DOCK2: variants seen among roughly 807,000 people sequenced by gnomAD.
DOCK2 encodes dedicator of cytokinesis 2, also known as dedicator of cytokinesis protein 2.
In DOCK2, 87 loss-of-function variants were observed where a neutral mutation model predicts 248.9. The ratio of observed to expected loss-of-function variants is 0.35; its 90% CI spans 0.29 to 0.42. The LOEUF is 0.42. Ranked by LOEUF, DOCK2 falls within the 10% of genes least tolerant of loss-of-function variation. The pLI is 1.00. For synonymous variants in DOCK2, 805 were observed against 821.6 expected, an observed-to-expected ratio of 0.98 and a Z score of 0.35; for missense variants, 1,747 against 2,300.2, an observed-to-expected ratio of 0.76 and a Z score of 4.92.
chr5:169,818,089 G>T (rs1314061710), intron 26 of DOCK2, among the ~76,000 whole-genome samples: 2 of 152,012 alleles, frequency 1.3e-5, no homozygotes, highest in African/African-American at 4.8e-5. Flanking sequence ...TAATGCCTTG[G>T]GGTTGGTCAC....
At chr5:169,846,606 AT>A (rs1203955627) in intron 27 of DOCK2, among the ~76,000 whole-genome samples, 2 of 76,340 alleles carry the variant, frequency 2.6e-5, no homozygotes, top group Non-Finnish European at 4.7e-5. Context: ...ATACACACAC[AT>A]ATACACACAC....
intron 1 of DOCK2, among the ~76,000 whole-genome samples, chr5:169,650,154 A>G (rs1757719186): frequency 6.6e-6 from 1 of 152,148 alleles, no homozygotes; most frequent in South Asian, 2.1e-4. Flanking sequence ...TCAGAGCAAT[A>G]TCTAGCACCC....
Position 169,853,110 on chromosome 5 carries a change from A to G in DOCK2, c.2799+12258A>G, listed in dbSNP as rs374682637. 1.3e-3 allele frequency among the ~76,000 whole-genome samples: 203 copies of G among 152,296 alleles called. 6 individuals are homozygous for G. The South Asian group carries it at 0.04, about 30-fold the overall frequency. ...AGTCTCATGAGATCTGATGGCTTTAAAAAGGGGAGTTTCCCTGCACAAGTG... is the reference window on the plus strand; with the variant it reads ...AGTCTCATGAGATCTGATGGCTTTAGAAAGGGGAGTTTCCCTGCACAAGTG... On this transcript the variant is annotated intron_variant, in intron 27 of 51. Coordinates refer to ENST00000520908, the MANE Select transcript of DOCK2 (RefSeq NM_004946.3).
intron 30 of DOCK2, among the ~76,000 whole-genome samples, chr5:170,008,220 AACAAC>A (rs1464084245): frequency 1.7e-4 from 6 of 36,192 alleles, no homozygotes; most frequent in African/African-American, 6.5e-4. Context: ...CAACAACAAC[AACAAC>A]AAAAAAAAAA....
At chr5:169,698,232 C>T in intron 10 of DOCK2, 142 bp from the exon 11 acceptor site, 1 of 679,554 alleles carries the variant, frequency 1.5e-6, no homozygotes, top group Non-Finnish European at 2.6e-6. Context: ...TGTTGTGCAG[C>T]ACTGGCTTGC....
intron 26 of DOCK2, among the ~76,000 whole-genome samples, chr5:169,826,012 T>A (rs1413827583): frequency 6.6e-6 from 1 of 151,904 alleles, no homozygotes; most frequent in Non-Finnish European, 1.5e-5. Flanking sequence ...TCTATTGTTT[T>A]TCATCAAATT....
At chr5:169,776,632 A>C (rs1390048300) in intron 25 of DOCK2, among the ~76,000 whole-genome samples, 1 of 152,140 alleles carries the variant, frequency 6.6e-6, no homozygotes, top group Non-Finnish European at 1.5e-5. Flanking sequence ...CCCCTGACCA[A>C]ATCTGACCTT....
chr5:169,743,543 A>G (rs1763443709), intron 22 of DOCK2, among the ~76,000 whole-genome samples: 1 of 152,238 alleles, frequency 6.6e-6, no homozygotes, highest in South Asian at 2.1e-4. Context: ...GCACTTAAAA[A>G]TAATTATCTC....
At chr5:169,689,597 A>G (rs984178975) in intron 9 of DOCK2, among the ~76,000 whole-genome samples, 2 of 152,254 alleles carry the variant, frequency 1.3e-5, no homozygotes, top group Admixed American at 6.5e-5. Context: ...AGAATGCTAC[A>G]TAAACAAGCA....
intron 25 of DOCK2, among the ~76,000 whole-genome samples, chr5:169,770,510 G>A (rs780568345): frequency 7.9e-5 from 12 of 152,000 alleles, no homozygotes; most frequent in Non-Finnish European, 1.8e-4. Context: ...ATATTCCCCA[G>A]GCTGGTCTCA....
chr5:169,700,928 C>T (rs777026568), intron 13 of DOCK2, among the ~76,000 whole-genome samples: 1 of 110,812 alleles, frequency 9.0e-6, no homozygotes, highest in South Asian at 2.7e-4. Context: ...AAAGAAAAGA[C>T]AAGAAAAAGA....
rs182730104 is a variant in DOCK2 at position 169,996,788 on chromosome 5, A to G, written c.3072+624A>G. Reference sequence around the variant, plus strand: ...AGGATCCCCTCCAGGGAAGTCTCCGATCCCTAGCATCTATCTCTTCCAGTG... The same window carrying G: ...AGGATCCCCTCCAGGGAAGTCTCCGGTCCCTAGCATCTATCTCTTCCAGTG... On this transcript the variant is annotated intron_variant, in intron 30 of 51. Coordinates refer to ENST00000520908, the MANE Select transcript of DOCK2 (RefSeq NM_004946.3). Among the ~76,000 whole-genome samples the G allele has an allele frequency of 2.8e-3, 420 of 152,296 alleles. 5 individuals are homozygous for G. The highest frequency in any genetic ancestry group is 7.2e-3 in the Admixed American group (110 of 15,304).
intron 36 of DOCK2, 142 bp downstream of exon 36, chr5:170,036,697 A>G: frequency 1.3e-6 from 1 of 767,612 alleles, no homozygotes; most frequent in Non-Finnish European, 2.0e-6. Context: ...ATTCCTGTCA[A>G]TTTCTCCAGA....
At position 169,781,234 on chromosome 5, in the gene DOCK2, G is replaced by A. The variant is rs531361798; in HGVS notation, c.2554+19609G>A. On this transcript the variant is annotated intron_variant, in intron 25 of 51. Coordinates refer to ENST00000520908, the MANE Select transcript of DOCK2 (RefSeq NM_004946.3). The stretch of plus-strand genomic sequence containing the variant: ...AAATCCACATAGAAATGGGGAGAAC[G>A]TGCAAACTCCACAGACAGTGGCCCC... Among the ~76,000 whole-genome samples, 5 of 152,286 alleles carry A rather than the reference G, an allele frequency of 3.3e-5. No individual in the cohort carries two copies. The South Asian group carries it at 6.2e-4, about 19-fold the overall frequency.
intron 22 of DOCK2, among the ~76,000 whole-genome samples, chr5:169,721,951 T>G (rs777460850): frequency 6.6e-6 from 1 of 152,220 alleles, no homozygotes; most frequent in Non-Finnish European, 1.5e-5. Context: ...CACATGCCAG[T>G]GCTGTAGCTG....
At chr5:169,951,777 C>T (rs574699457) in intron 27 of DOCK2, among the ~76,000 whole-genome samples, 24 of 152,238 alleles carry the variant, frequency 1.6e-4, no homozygotes, top group African/African-American at 5.5e-4. Flanking sequence ...AAGCCTCTTC[C>T]ACACACTATT....
intron 25 of DOCK2, among the ~76,000 whole-genome samples, chr5:169,769,659 A>G (rs1371603691): frequency 6.6e-6 from 1 of 152,190 alleles, no homozygotes; most frequent in Non-Finnish European, 1.5e-5. Flanking sequence ...ATATCTGGGG[A>G]GGAGGCCAGG....
At chr5:169,678,610 A>C (rs1047675729) in intron 6 of DOCK2, among the ~76,000 whole-genome samples, 5 of 152,224 alleles carry the variant, frequency 3.3e-5, no homozygotes, top group Non-Finnish European at 7.4e-5. Flanking sequence ...CCTCGGTTAC[A>C]CTTTCTACTA....
At chr5:169,870,237 C>T (rs749430115) in intron 27 of DOCK2, among the ~76,000 whole-genome samples, 52 of 152,240 alleles carry the variant, frequency 3.4e-4, no homozygotes, top group Admixed American at 7.2e-4. Flanking sequence ...TCAGGTTTCC[C>T]TCTTGGGGGT....
Sources: allele counts gnomAD v4.1 joint callset (sites outside exome capture counted in the v4.1 genomes callset), GRCh38; gene constraint gnomAD v4.1.1; transcripts MANE v1.5; gene names NCBI Gene and HGNC (gene_info 2026-07-23, HGNC 2026-07-21).